KIAA1549L: variants seen among roughly 807,000 people sequenced by gnomAD.
KIAA1549L encodes KIAA1549 like.
KIAA1549L carries 88 observed loss-of-function variants against 160.7 expected under a neutral mutation model. The ratio of observed to expected loss-of-function variants is 0.55; its 90% CI spans 0.46 to 0.65. The LOEUF (loss-of-function observed/expected upper bound fraction) is 0.65. Ranked by LOEUF, KIAA1549L falls within the 30% of genes least tolerant of loss-of-function variation. KIAA1549L has a pLI of 0.00. For synonymous variants in KIAA1549L, 950 were observed against 976.7 expected, an observed-to-expected ratio of 0.97 and a Z score of 0.51; for missense variants, 2,258 against 2,437.5, an observed-to-expected ratio of 0.93 and a Z score of 1.55.
intron 1 of KIAA1549L, among the ~76,000 whole-genome samples, chr11:33,528,236 T>G (rs187841713): frequency 6.6e-6 from 1 of 152,106 alleles, no homozygotes. Flanking sequence ...ATGCTCAAGA[T>G]CACTAATTAT....
chr11:33,578,874 C>G (rs1316132816), intron 10 of KIAA1549L, among the ~76,000 whole-genome samples: 5 of 152,156 alleles, frequency 3.3e-5, no homozygotes, highest in African/African-American at 1.2e-4. Flanking sequence ...TTGTCTGTCT[C>G]TCTCCCTCAT....
chr11:33,432,251 A>G (rs1249171978), intron 1 of KIAA1549L, among the ~76,000 whole-genome samples: 2 of 152,364 alleles, frequency 1.3e-5, no homozygotes, highest in South Asian at 4.1e-4. Context: ...GCCCAGGCAG[A>G]GGAGGCGCCG....
intron 1 of KIAA1549L, among the ~76,000 whole-genome samples, chr11:33,445,792 T>A (rs1396542091): frequency 6.6e-6 from 1 of 152,194 alleles, no homozygotes; most frequent in South Asian, 2.1e-4. Context: ...TAGGGAAGTG[T>A]CTGGCATAAA....
rs1855455464 is a variant in KIAA1549L at position 33,576,591 on chromosome 11, G to C, written c.4402+1718G>C. On this transcript the variant is annotated intron_variant, in intron 10 of 20. Coordinates refer to ENST00000658780, the MANE Select transcript of KIAA1549L (RefSeq NM_012194.3). ...GAGGACAGGAGTGAAAACCACTGCA[G>C]GTGTCCAGGCGAGAGCTGAAGGTAC... is the stretch of plus-strand genomic sequence containing the variant. Among the ~76,000 whole-genome samples, 3 of 152,152 alleles carry C rather than the reference G, an allele frequency of 2.0e-5. No homozygotes were observed. The South Asian group carries it at 6.2e-4, about 32-fold the overall frequency.
At chr11:33,529,307 C>A (rs1043471660) in intron 1 of KIAA1549L, among the ~76,000 whole-genome samples, 16 of 151,786 alleles carry the variant, frequency 1.1e-4, no homozygotes, top group African/African-American at 3.9e-4. Flanking sequence ...TGCACTCCAG[C>A]CTGGATGACA....
chr11:33,474,245 C>T (rs1459019504), intron 1 of KIAA1549L, among the ~76,000 whole-genome samples: 1 of 152,212 alleles, frequency 6.6e-6, no homozygotes, highest in Non-Finnish European at 1.5e-5. Context: ...GACAAACACC[C>T]AAACTATATC....
intron 1 of KIAA1549L, among the ~76,000 whole-genome samples, chr11:33,479,810 G>C (rs764681971): frequency 6.6e-6 from 1 of 152,100 alleles, no homozygotes; most frequent in Non-Finnish European, 1.5e-5. Flanking sequence ...TTTTAAAAGG[G>C]AAGAAAAGAA....
chr11:33,658,022 G>T (rs531589764), intron 18 of KIAA1549L, among the ~76,000 whole-genome samples: 1 of 152,308 alleles, frequency 6.6e-6, no homozygotes, highest in East Asian at 1.9e-4. Flanking sequence ...TCAGGCAAGG[G>T]TTGATGCTTG....
At chr11:33,434,420 C>T (rs1302020114) in intron 1 of KIAA1549L, among the ~76,000 whole-genome samples, 1 of 152,166 alleles carries the variant, frequency 6.6e-6, no homozygotes, top group Non-Finnish European at 1.5e-5. Context: ...TATAAATTAC[C>T]CAGTCCAAGG....
chr11:33,575,897 G>C (rs1445760282), intron 10 of KIAA1549L, among the ~76,000 whole-genome samples: 1 of 152,172 alleles, frequency 6.6e-6, no homozygotes, highest in Non-Finnish European at 1.5e-5. Flanking sequence ...TCAGCTGTGG[G>C]GTGCTGATGA....
At chr11:33,659,817 A>T (rs1329300014) in intron 19 of KIAA1549L, among the ~76,000 whole-genome samples, 1 of 152,194 alleles carries the variant, frequency 6.6e-6, no homozygotes, top group Non-Finnish European at 1.5e-5. Context: ...GAGTTGGACC[A>T]CCACTTCTGT....
chr11:33,435,804 A>ATGTGTGTGTGTGTGTGTGTGTG (rs1224054996), intron 1 of KIAA1549L, among the ~76,000 whole-genome samples: 1 of 17,138 alleles, frequency 5.8e-5, no homozygotes, highest in African/African-American at 3.2e-4. Context: ...ATATATATAT[A>ATGTGTGTGTGTGTGTGTGTGTG]TATATATGTG....
At position 33,606,842 on chromosome 11, in the gene KIAA1549L, GGGCA is replaced by G. The variant is rs1003305468; in HGVS notation, c.5061+23_5061+26del. On this transcript the variant is annotated intron_variant, in intron 14 of 20. Coordinates refer to ENST00000658780, the MANE Select transcript of KIAA1549L (RefSeq NM_012194.3). ...GGCGAGGTAAGTGCCTGGAGACCCA[GGGCA>G]GGAGATGGTCCGGCCAGACTTGGGA... 1.3e-6 allele frequency: 2 copies of G among 1,578,950 alleles called. No homozygotes were observed. Among genetic ancestry groups the G allele is most frequent in the Admixed American group, 3.6e-5 (2 of 54,934 alleles).
At chr11:33,389,615 C>CT (rs941609808) in intron 1 of KIAA1549L, among the ~76,000 whole-genome samples, 4 of 152,110 alleles carry the variant, frequency 2.6e-5, no homozygotes, top group African/African-American at 4.8e-5. Context: ...GAAACTGAAC[C>CT]TTTTTTTCCA....
At chr11:33,553,521 A>C (rs1417394342) in intron 6 of KIAA1549L, among the ~76,000 whole-genome samples, 2 of 152,236 alleles carry the variant, frequency 1.3e-5, no homozygotes, top group African/African-American at 4.8e-5. Context: ...AAAGCATACA[A>C]TTTAACTTGA....
Position 33,460,195 on chromosome 11 carries a change from C to T in KIAA1549L, c.239-81607C>T, listed in dbSNP as rs562729483. On this transcript the variant is annotated intron_variant, in intron 1 of 20. Transcript: ENST00000658780. ...ACACAGCAAATGACAATCCCAAATG[C>T]TCGCTGGCCTCTGGGAGAGACCTTG... Among the ~76,000 whole-genome samples the T allele has an allele frequency of 2.3e-4, 35 of 152,230 alleles. 1 individual carries two copies. Among genetic ancestry groups the T allele is most frequent in the African/African-American group, 7.7e-4 (32 of 41,534 alleles).
intron 1 of KIAA1549L, among the ~76,000 whole-genome samples, chr11:33,419,905 C>CATACAT (rs1230090541): frequency 1.9e-5 from 1 of 53,518 alleles, no homozygotes; most frequent in East Asian, 4.3e-4. Flanking sequence ...TACATACATA[C>CATACAT]ATATATATAT....
chr11:33,668,554 G>C lies in KIAA1549L; in HGVS notation c.*400G>C, dbSNP rs1852565089. 4.3e-6 allele frequency: 1 copy of C among 232,372 alleles called. No homozygotes were observed. The highest frequency in any genetic ancestry group is 8.6e-6 in the Non-Finnish European group (1 of 116,522). 14.4% of individuals were successfully genotyped at this position (232,372 alleles called of 1,614,324 possible). On this transcript the variant is annotated 3_prime_UTR_variant, in exon 21 of 21. Transcript: ENST00000658780. ...TCGGTGACCTCTGCATGTTAACTCT[G>C]TTTCTGTGTTAAAGGCAATGCAGGA...
intron 13 of KIAA1549L, 53 bp from the exon 14 acceptor site, chr11:33,606,588 G>A: frequency 1.3e-6 from 2 of 1,561,582 alleles, no homozygotes; most frequent in Non-Finnish European, 1.8e-6. Flanking sequence ...ATTCTCCTGG[G>A]ATCACACAGC....
Sources: allele counts gnomAD v4.1 joint callset (sites outside exome capture counted in the v4.1 genomes callset), GRCh38; gene constraint gnomAD v4.1.1; transcripts MANE v1.5; gene names NCBI Gene and HGNC (gene_info 2026-07-23, HGNC 2026-07-21).